The following FBXL17 variants were observed in gnomAD, a reference collection of about 807,000 sequenced individuals.
FBXL17 encodes the protein F-box/LRR-repeat protein 17.
A neutral mutation model predicts 66.2 loss-of-function variants in FBXL17; 22 were observed. The ratio of observed to expected loss-of-function variants is 0.33; its 90% confidence interval spans 0.24 to 0.47. The LOEUF is 0.47. Among genes scored for constraint, FBXL17 ranks in the 20% least tolerant of loss-of-function variants. The probability of loss-of-function intolerance (pLI) is 1.00; values close to 1 mark genes in which losing one functional copy is unlikely to be tolerated. For synonymous variants in FBXL17, 474 were observed against 400.5 expected, an observed-to-expected ratio of 1.18 and a Z score of -2.19; for missense variants, 878 against 948.2, an observed-to-expected ratio of 0.93 and a Z score of 0.97.
intron 5 of FBXL17, among the ~76,000 whole-genome samples, chr5:108,219,822 A>C (rs951965341): frequency 3.3e-5 from 5 of 151,612 alleles, no homozygotes; most frequent in Non-Finnish European, 7.4e-5. Flanking sequence ...CTAGAGATTT[A>C]TCAATTTTAT....
intron 4 of FBXL17, among the ~76,000 whole-genome samples, chr5:108,312,474 A>G (rs1406536149): frequency 6.6e-6 from 1 of 152,096 alleles, no homozygotes; most frequent in African/African-American, 2.4e-5. Flanking sequence ...AATTTCACAC[A>G]TATCTTCTAT....
intron 7 of FBXL17, among the ~76,000 whole-genome samples, chr5:107,943,416 C>T (rs569072026): frequency 1.1e-3 from 173 of 152,244 alleles, no homozygotes; most frequent in African/African-American, 3.8e-3. Flanking sequence ...TGGTTAACTT[C>T]GGTCTTCCCT....
intron 4 of FBXL17, chr5:108,299,205 C>T: frequency 1.0e-6 from 1 of 984,998 alleles, no homozygotes. Context: ...GACCTTTATA[C>T]CTTTATGACA....
chr5:108,287,741 T>C (rs926482353), intron 4 of FBXL17, among the ~76,000 whole-genome samples: 4 of 151,988 alleles, frequency 2.6e-5, no homozygotes, highest in Non-Finnish European at 2.9e-5. Context: ...GAACTATCAT[T>C]CAACCCAGCA....
intron 6 of FBXL17, among the ~76,000 whole-genome samples, chr5:108,025,145 G>A (rs570138015): frequency 3.1e-4 from 47 of 152,222 alleles, no homozygotes; most frequent in Admixed American, 7.9e-4. Context: ...CTTGCAATAG[G>A]AGTGTCCTAG....
At chr5:108,175,389 G>A (rs1752761462) in intron 6 of FBXL17, among the ~76,000 whole-genome samples, 1 of 152,132 alleles carries the variant, frequency 6.6e-6, no homozygotes, top group African/African-American at 2.4e-5. Context: ...ACATGATACA[G>A]CACTTCATTA....
intron 6 of FBXL17, among the ~76,000 whole-genome samples, chr5:108,069,724 A>G (rs1748256536): frequency 6.6e-6 from 1 of 152,238 alleles, no homozygotes; most frequent in African/African-American, 2.4e-5. Context: ...CTTGGTTTCA[A>G]AGGGTGTCAT....
At chr5:108,149,814 A>G (rs916750118) in intron 6 of FBXL17, among the ~76,000 whole-genome samples, 2 of 152,164 alleles carry the variant, frequency 1.3e-5, no homozygotes, top group African/African-American at 2.4e-5. Context: ...TGTTTTTAAA[A>G]TATTCCTTTT....
At chr5:108,204,365 T>G (rs966043979) in intron 5 of FBXL17, among the ~76,000 whole-genome samples, 1 of 152,058 alleles carries the variant, frequency 6.6e-6, no homozygotes, top group African/African-American at 2.4e-5. Context: ...TAATTTTTTG[T>G]AGAGATGGGT....
chr5:108,274,706 C>G (rs1487471865), intron 4 of FBXL17, among the ~76,000 whole-genome samples: 2 of 152,138 alleles, frequency 1.3e-5, no homozygotes, highest in African/African-American at 4.8e-5. Flanking sequence ...GTAGTAAAGA[C>G]AGGCATAAGT....
chr5:107,946,477 A>G (rs1751301216), intron 7 of FBXL17, among the ~76,000 whole-genome samples: 1 of 146,764 alleles, frequency 6.8e-6, no homozygotes, highest in East Asian at 2.0e-4. Flanking sequence ...TATTATTATT[A>G]TTATTATTTT....
At chr5:107,932,752 A>G (rs1018408186) in intron 7 of FBXL17, among the ~76,000 whole-genome samples, 2 of 152,180 alleles carry the variant, frequency 1.3e-5, no homozygotes, top group Non-Finnish European at 2.9e-5. Flanking sequence ...GAGATACTGG[A>G]AGGAATAGCA....
chr5:107,887,851 T>A (rs535142788), intron 7 of FBXL17, among the ~76,000 whole-genome samples: 1 of 152,134 alleles, frequency 6.6e-6, no homozygotes, highest in Non-Finnish European at 1.5e-5. Flanking sequence ...GATGTGCAGC[T>A]AGGGCTGAGA....
In FBXL17 at chr5:108,085,650, T is replaced by G. The variant is rs570781463; in HGVS notation, c.1746-64649A>C. 9.9e-5 allele frequency among the ~76,000 whole-genome samples: 15 copies of G among 152,134 alleles called. No individual in the cohort carries two copies. In the East Asian group the frequency reaches 2.7e-3, roughly 27 times the overall value. On this transcript the variant is annotated intron_variant, in intron 6 of 8. Transcript: ENST00000542267. ...CTGAATACTTTGAACAACAGAACAC[T>G]GGGGCTAGGTGTGGTGGCTCATGCC...
intron 6 of FBXL17, among the ~76,000 whole-genome samples, chr5:108,145,683 A>G (rs1751526091): frequency 6.6e-6 from 1 of 152,170 alleles, no homozygotes; most frequent in African/African-American, 2.4e-5. Context: ...ATTCTAAACA[A>G]CAGTGAGGTC....
At chr5:108,126,662 TAC>T (rs71593250) in intron 6 of FBXL17, among the ~76,000 whole-genome samples, 44,540 of 116,836 alleles carry the variant, frequency 0.38, 8,536 homozygotes, top group East Asian at 0.55. Flanking sequence ...TATATATATA[TAC>T]ATATATATAT....
intron 6 of FBXL17, among the ~76,000 whole-genome samples, chr5:108,154,646 C>CATATGTATAT (rs1561437225): frequency 0.09 from 11,484 of 127,242 alleles, 1,305 homozygotes; most frequent in South Asian, 0.18. Flanking sequence ...CACACACACA[C>CATATGTATAT]ACATATATGT....
intron 6 of FBXL17, among the ~76,000 whole-genome samples, chr5:108,101,006 C>A (rs1561409979): frequency 6.6e-6 from 1 of 152,130 alleles, no homozygotes; most frequent in African/African-American, 2.4e-5. Context: ...GAGGGAAGAC[C>A]TTTTGAGGGG....
intron 1 of FBXL17, among the ~76,000 whole-genome samples, chr5:108,369,789 T>C (rs574353647): frequency 6.6e-6 from 1 of 152,246 alleles, no homozygotes; most frequent in East Asian, 1.9e-4. Flanking sequence ...GAACCAATTC[T>C]AAGAAGATAC....
Sources: gnomAD v4.1 joint callset for allele counts (sites outside exome capture counted in the v4.1 genomes callset) on GRCh38, gnomAD v4.1.1 for gene constraint, MANE v1.5 for transcripts, NCBI Gene and HGNC (gene_info 2026-07-23, HGNC 2026-07-21) for gene names.